The following STK32A variants were observed in gnomAD, a reference collection of about 807,000 sequenced individuals.
STK32A encodes serine/threonine-protein kinase 32A.
STK32A carries 41 observed loss-of-function variants against 53.2 expected under a neutral mutation model. The ratio of observed to expected loss-of-function variants is 0.77; its 90% CI spans 0.60 to 1.00. STK32A has a LOEUF of 1.00. Ranked by LOEUF, STK32A falls within the 50% of genes least tolerant of loss-of-function variation. The pLI, the probability that STK32A is intolerant of heterozygous loss-of-function variation, is 0.00. For missense variants in STK32A, 458 were observed against 485.8 expected, an observed-to-expected ratio of 0.94 and a Z score of 0.54; for synonymous variants, 166 against 162.8, an observed-to-expected ratio of 1.02 and a Z score of -0.15.
intron 6 of STK32A, among the ~76,000 whole-genome samples, chr5:147,345,456 G>T (rs1002461147): frequency 6.6e-6 from 1 of 152,124 alleles, no homozygotes; most frequent in South Asian, 2.1e-4. Flanking sequence ...ATGTTTCTTT[G>T]TCTATGCTAA....
At chr5:147,324,151 T>C (rs547875740) in intron 5 of STK32A, 80 bp downstream of exon 5, 7 of 1,342,462 alleles carry the variant, frequency 5.2e-6, no homozygotes, top group South Asian at 4.4e-5. Flanking sequence ...TAAATTCTTA[T>C]TGAACATGAC....
chr5:147,383,403 A>G (rs1449283536), intron 11 of STK32A, 38 bp from the exon 12 acceptor site: 1 of 1,531,790 alleles, frequency 6.5e-7, no homozygotes, highest in Non-Finnish European at 8.9e-7. Context: ...TTTGTCTGCT[A>G]ACTATACCTC....
the STK32A span, chr5:147,395,656 G>A: frequency 6.2e-7 from 1 of 1,614,116 alleles, no homozygotes. Context: ...CACCTTTGGG[G>A]GTGGTGGTCA....
At chr5:147,239,864 T>C (rs1395602755) in intron 2 of STK32A, 178 bp downstream of exon 2, 1 of 576,828 alleles carries the variant, frequency 1.7e-6, no homozygotes, top group Non-Finnish European at 3.1e-6. Context: ...ACCTTCCACT[T>C]TCCATGGGAC....
intron 6 of STK32A, among the ~76,000 whole-genome samples, chr5:147,347,850 G>A (rs1180429971): frequency 6.6e-6 from 1 of 152,172 alleles, no homozygotes; most frequent in Non-Finnish European, 1.5e-5. Flanking sequence ...GCCGGACCTG[G>A]GACTAAGGCT....
chr5:147,297,272 C>T (rs1752911515), intron 4 of STK32A, among the ~76,000 whole-genome samples: 1 of 152,154 alleles, frequency 6.6e-6, no homozygotes, highest in South Asian at 2.1e-4. Context: ...CTGTTGAGCA[C>T]CTACTCACGG....
the STK32A span, among the ~76,000 whole-genome samples, chr5:147,398,315 G>A: frequency 0.19 from 28,959 of 152,138 alleles, 3,240 homozygotes; most frequent in African/African-American, 0.3. Context: ...AGGCATTACT[G>A]TACTGCCAAT....
intron 2 of STK32A, among the ~76,000 whole-genome samples, chr5:147,242,717 G>T (rs1422808307): frequency 6.6e-6 from 1 of 152,196 alleles, no homozygotes; most frequent in Non-Finnish European, 1.5e-5. Flanking sequence ...GCACTAGTTT[G>T]CCAAAGAGAC....
chr5:147,292,869 A>G (rs1752670063), intron 4 of STK32A, among the ~76,000 whole-genome samples: 1 of 152,186 alleles, frequency 6.6e-6, no homozygotes, highest in South Asian at 2.1e-4. Flanking sequence ...CTCAAAAAAA[A>G]AAAGAAAAAT....
chr5:147,376,091 T>C (rs1202748617), intron 11 of STK32A, among the ~76,000 whole-genome samples: 2 of 152,166 alleles, frequency 1.3e-5, no homozygotes, highest in African/African-American at 4.8e-5. Context: ...CTGTCCCTTT[T>C]CTCAAAGATT....
chr5:147,315,230 C>T (rs1269331389), intron 4 of STK32A, among the ~76,000 whole-genome samples: 1 of 152,148 alleles, frequency 6.6e-6, no homozygotes, highest in Non-Finnish European at 1.5e-5. Context: ...TCAATATTTA[C>T]TCAAAATAAT....
At chr5:147,237,795 A>C (rs1343697024) in intron 1 of STK32A, among the ~76,000 whole-genome samples, 1 of 152,176 alleles carries the variant, frequency 6.6e-6, no homozygotes, top group Non-Finnish European at 1.5e-5. Context: ...TTCCAAATGA[A>C]GGGTTTACTT....
At chr5:147,327,554 G>A (rs7707452) in intron 5 of STK32A, among the ~76,000 whole-genome samples, 45,950 of 152,064 alleles carry the variant, frequency 0.3, 8,079 homozygotes, top group African/African-American at 0.49. Flanking sequence ...AAAATTACCC[G>A]TAAACAGTCA....
chr5:147,249,638 T>A (rs1753894991), intron 2 of STK32A, among the ~76,000 whole-genome samples: 1 of 151,868 alleles, frequency 6.6e-6, no homozygotes, highest in South Asian at 2.1e-4. Flanking sequence ...TTGTGCTGGG[T>A]GCAGTGGTTC....
At chr5:147,307,745 T>C (rs1753489296) in intron 4 of STK32A, among the ~76,000 whole-genome samples, 1 of 152,168 alleles carries the variant, frequency 6.6e-6, no homozygotes, top group Admixed American at 6.5e-5. Context: ...AGGATCAAGT[T>C]TTATTTTGTC....
intron 4 of STK32A, among the ~76,000 whole-genome samples, chr5:147,316,047 C>T (rs2151974234): frequency 6.6e-6 from 1 of 152,176 alleles, no homozygotes; most frequent in Non-Finnish European, 1.5e-5. Flanking sequence ...AGAATATATC[C>T]TAATAACAAG....
chr5:147,356,535 A>C (rs1420585399), intron 7 of STK32A, among the ~76,000 whole-genome samples: 1 of 152,122 alleles, frequency 6.6e-6, no homozygotes, highest in Non-Finnish European at 1.5e-5. Flanking sequence ...CTAACTCTTA[A>C]CATGCTGCAG....
intron 2 of STK32A, among the ~76,000 whole-genome samples, chr5:147,268,951 T>C (rs1370476118): frequency 6.6e-6 from 1 of 152,152 alleles, no homozygotes; most frequent in Non-Finnish European, 1.5e-5. Flanking sequence ...CTTATTCTAC[T>C]TTTTTGTGCA....
At chr5:147,330,482 G>A (rs1338317826) in intron 5 of STK32A, among the ~76,000 whole-genome samples, 1 of 152,134 alleles carries the variant, frequency 6.6e-6, no homozygotes, top group Non-Finnish European at 1.5e-5. Flanking sequence ...ATTATGCAAG[G>A]GTGTGAACAC....
Sources: gnomAD v4.1 joint callset for allele counts (sites outside exome capture counted in the v4.1 genomes callset) on GRCh38, gnomAD v4.1.1 for gene constraint, MANE v1.5 for transcripts, NCBI Gene and HGNC (gene_info 2026-07-23, HGNC 2026-07-21) for gene names.